NEBL: variants seen among roughly 807,000 people sequenced by gnomAD.
NEBL encodes the protein nebulette, also known as LIM and SH3 protein 2.
A neutral mutation model predicts 140.2 loss-of-function variants in NEBL; 122 were observed. That is an observed-to-expected ratio of 0.87 (90% CI 0.75 to 1.01). NEBL has a LOEUF of 1.01. Ranked by LOEUF, NEBL falls within the 50% of genes least tolerant of loss-of-function variation. The pLI, the probability that NEBL is intolerant of heterozygous loss-of-function variation, is 0.00. For synonymous variants in NEBL, 436 were observed against 398.9 expected, an observed-to-expected ratio of 1.09 and a Z score of -1.11; for missense variants, 1,365 against 1,231.3, an observed-to-expected ratio of 1.11 and a Z score of -1.62.
At chr10:21,274,043 G>A (rs11012634) in intron 1 of NEBL, among the ~76,000 whole-genome samples, 3,391 of 152,242 alleles carry the variant, frequency 0.022, 139 homozygotes, top group African/African-American at 0.077. Context: ...GCAATGCTGA[G>A]GGGATGTTAC....
chr10:20,919,459 C>T (rs1833471979), intron 4 of NEBL, among the ~76,000 whole-genome samples: 1 of 152,094 alleles, frequency 6.6e-6, no homozygotes, highest in Non-Finnish European at 1.5e-5. Context: ...TTTTAAAGTA[C>T]TTTTAATCCA....
intron 9 of NEBL, among the ~76,000 whole-genome samples, chr10:20,853,886 A>T (rs1194743547): frequency 1.3e-5 from 2 of 152,178 alleles, no homozygotes; most frequent in Admixed American, 1.3e-4. Context: ...CTAAGAGTGG[A>T]ATTGAAATGT....
Position 20,805,951 on chromosome 10 carries a change from A to G in NEBL, c.2761+2559T>C, listed in dbSNP as rs553626374. On this transcript the variant is annotated intron_variant, in intron 26 of 27. Transcript: ENST00000377122. ...CTCCCTCCATCTTTGAAGAAGTATGAAATTCCTCCTTTAAAAAAAAATATG... is the reference window on the plus strand; with the variant it reads ...CTCCCTCCATCTTTGAAGAAGTATGGAATTCCTCCTTTAAAAAAAAATATG... 2.6e-3 allele frequency among the ~76,000 whole-genome samples: 390 copies of G among 152,288 alleles called. 1 individual carries two copies. Among genetic ancestry groups the G allele is most frequent in the African/African-American group, 9.1e-3 (379 of 41,566 alleles).
At chr10:21,285,110 A>G (rs753129539) in intron 1 of NEBL, among the ~76,000 whole-genome samples, 2 of 152,198 alleles carry the variant, frequency 1.3e-5, no homozygotes, top group African/African-American at 2.4e-5. Context: ...GACATTGTTT[A>G]AAGTTTAAGT....
At chr10:21,016,495 G>C (rs901037153) in intron 3 of NEBL, among the ~76,000 whole-genome samples, 1 of 152,048 alleles carries the variant, frequency 6.6e-6, no homozygotes, top group Non-Finnish European at 1.5e-5. Flanking sequence ...GATAACAGTG[G>C]GTAACTATAA....
At chr10:21,064,986 T>C (rs764721207) in intron 2 of NEBL, among the ~76,000 whole-genome samples, 4 of 152,166 alleles carry the variant, frequency 2.6e-5, no homozygotes, top group Non-Finnish European at 5.9e-5. Context: ...TAACTGGTTT[T>C]AGGGAAGGTG....
intron 3 of NEBL, among the ~76,000 whole-genome samples, chr10:20,987,271 C>T (rs922267411): frequency 1.3e-5 from 2 of 151,688 alleles, no homozygotes; most frequent in African/African-American, 4.9e-5. Context: ...GACAATGTTT[C>T]CCTTGAAGCC....
chr10:20,877,328 C>T (rs1222563910), intron 5 of NEBL, among the ~76,000 whole-genome samples: 6 of 152,186 alleles, frequency 3.9e-5, no homozygotes, highest in African/African-American at 1.2e-4. Flanking sequence ...ATCCACGCAA[C>T]GTGTGCCCAA....
intron 2 of NEBL, chr10:21,172,008 G>A: frequency 3.5e-6 from 1 of 282,132 alleles, no homozygotes; most frequent in South Asian, 4.0e-5. Context: ...ATTGCAGTAT[G>A]GCAACATCCT....
intron 9 of NEBL, among the ~76,000 whole-genome samples, chr10:20,856,744 G>A (rs1357604276): frequency 6.6e-6 from 1 of 152,100 alleles, no homozygotes; most frequent in Admixed American, 6.6e-5. Context: ...TCCATTCCCT[G>A]TTCAATAGCC....
chr10:21,041,215 C>T (rs984820225), intron 2 of NEBL, among the ~76,000 whole-genome samples: 1 of 152,180 alleles, frequency 6.6e-6, no homozygotes, highest in African/African-American at 2.4e-5. Flanking sequence ...CCACGCTCCA[C>T]CCTCAAGTAG....
intron 24 of NEBL, among the ~76,000 whole-genome samples, chr10:20,811,347 GAAGTAAGCTGT>G (rs1300092564): frequency 6.6e-6 from 1 of 152,138 alleles, no homozygotes; most frequent in African/African-American, 2.4e-5. Flanking sequence ...GCAGGGCCTG[GAAGTAAGCTGT>G]ACAGACTTTA....
intron 3 of NEBL, among the ~76,000 whole-genome samples, chr10:20,995,282 T>C (rs2131697293): frequency 6.6e-6 from 1 of 152,248 alleles, no homozygotes; most frequent in East Asian, 1.9e-4. Context: ...AAAAATGATG[T>C]TTCCAGTCCC....
chr10:21,188,234 G>A (rs1216575817), intron 3 of NEBL, among the ~76,000 whole-genome samples: 2 of 152,112 alleles, frequency 1.3e-5, no homozygotes, highest in Non-Finnish European at 2.9e-5. Flanking sequence ...TTCTTCTGTG[G>A]ACGGGAGTAG....
intron 2 of NEBL, among the ~76,000 whole-genome samples, chr10:21,057,628 C>A (rs1487942685): frequency 6.9e-6 from 1 of 144,642 alleles, no homozygotes; most frequent in African/African-American, 2.5e-5. Flanking sequence ...TGGCTCACGG[C>A]AACCTCTGCC....
chr10:20,924,523 TAA>T (rs34139031), intron 4 of NEBL, among the ~76,000 whole-genome samples: 16,969 of 138,028 alleles, frequency 0.12, 1,209 homozygotes, highest in East Asian at 0.26. Context: ...GTATCTTGTA[TAA>T]AAAAAAAAAA....
At chr10:21,141,952 T>G (rs1432658408) in intron 2 of NEBL, among the ~76,000 whole-genome samples, 1 of 152,146 alleles carries the variant, frequency 6.6e-6, no homozygotes, top group African/African-American at 2.4e-5. Context: ...TAGAAAATCT[T>G]CCTCTTGACA....
chr10:21,289,792 T>G lies in NEBL; in HGVS notation n.182+3038A>C, dbSNP rs545248664. On this transcript the variant is annotated intron_variant and non_coding_transcript_variant, in intron 1 of 8. Transcript: ENST00000675702. ...TTAATTTTAATATTCTGAGGCTAGA[T>G]AGTGGGTCAGAAACTACAGTCAAAG... 3.3e-5 allele frequency among the ~76,000 whole-genome samples: 5 copies of G among 152,310 alleles called. No individual in the cohort carries two copies. In the East Asian group the frequency reaches 7.7e-4, roughly 23 times the overall value.
intron 2 of NEBL, among the ~76,000 whole-genome samples, chr10:21,114,676 C>T (rs965498074): frequency 2.6e-5 from 4 of 152,002 alleles, no homozygotes; most frequent in African/African-American, 9.7e-5. Context: ...ATTCCTTGCT[C>T]AGAAATATAC....
Sources: gnomAD v4.1 joint callset for allele counts (sites outside exome capture counted in the v4.1 genomes callset) on GRCh38, gnomAD v4.1.1 for gene constraint, MANE v1.5 for transcripts, NCBI Gene and HGNC (gene_info 2026-07-23, HGNC 2026-07-21) for gene names.